The following PPP6R3 variants were observed in gnomAD, a reference collection of about 807,000 sequenced individuals.
The protein encoded by PPP6R3 is protein phosphatase 6 regulatory subunit 3, also known as serine/threonine-protein phosphatase 6 regulatory subunit 3.
In PPP6R3, 38 loss-of-function variants were observed where a neutral mutation model predicts 110.7. The ratio of observed to expected loss-of-function variants is 0.34; its 90% CI spans 0.26 to 0.45. The LOEUF is 0.45. Among genes scored for constraint, PPP6R3 ranks in the 20% least tolerant of loss-of-function variants. The pLI is 1.00. For missense variants in PPP6R3, 870 were observed against 1,062.4 expected (o/e 0.82, Z 2.52); for synonymous variants, 369 against 373.5 (o/e 0.99, Z 0.14).
chr11:68,589,777 T>G (rs1280140939), intron 16 of PPP6R3, among the ~76,000 whole-genome samples: 1 of 152,240 alleles, frequency 6.6e-6, no homozygotes, highest in Non-Finnish European at 1.5e-5. Context: ...AGCTAAAATA[T>G]TTTTACAGCA....
chr11:68,464,172 G>A (rs2098728929), intron 1 of PPP6R3, among the ~76,000 whole-genome samples: 2 of 152,110 alleles, frequency 1.3e-5, no homozygotes, highest in South Asian at 2.1e-4. Context: ...TAGCTCTGTC[G>A]CCCAGGCTGG....
In PPP6R3 at chr11:68,491,114, G is replaced by GA. The variant is rs578175853; in HGVS notation, c.-157-28385dup. Among the ~76,000 whole-genome samples the GA allele has an allele frequency of 4.3e-3, 659 of 152,168 alleles. 3 individuals are homozygous for GA. Among genetic ancestry groups the GA allele is most frequent in the African/African-American group, 0.015 (633 of 41,496 alleles). On this transcript the variant is annotated intron_variant, in intron 1 of 23. Coordinates refer to ENST00000393800, the MANE Select transcript of PPP6R3 (RefSeq NM_001164161.2). ...AGGCAGGAGGATCACTTGAGCCTAG[G>GA]AAGTTGAGGCTGCAGTGAGCCTTGT...
At chr11:68,581,400 A>T (rs2099553955) in intron 14 of PPP6R3, among the ~76,000 whole-genome samples, 2 of 152,218 alleles carry the variant, frequency 1.3e-5, no homozygotes, top group South Asian at 4.1e-4. Flanking sequence ...GTGAATGAGG[A>T]TACATCGAAT....
rs1274755985 is a variant in PPP6R3 at position 68,609,921 on chromosome 11, C to T, written c.2468C>T (p.Ser823Phe). Residue 823 changes from serine (S) to phenylalanine (F), a missense_variant, in exon 23 of 24, where the codon TCT (serine) becomes TTT (phenylalanine). Transcript: ENST00000393800. ...AVFKSEEGKL[S>F]TSQDAACKDA... ...TACTGCAGTGAGGAAGGGAAACTGTCTACCTCTCAAGATGCTGCTTGTAAA... is the reference window on the plus strand; with the variant it reads ...TACTGCAGTGAGGAAGGGAAACTGTTTACCTCTCAAGATGCTGCTTGTAAA... 4 of 1,613,990 alleles carry T rather than the reference C, an allele frequency of 2.5e-6. No homozygotes were observed. The highest frequency in any genetic ancestry group is 3.4e-6 in the Non-Finnish European group (4 of 1,180,000).
chr11:68,591,728 T>C (rs761206122), intron 18 of PPP6R3, 22 bp downstream of exon 18: 1 of 1,599,224 alleles, frequency 6.3e-7, no homozygotes, highest in Non-Finnish European at 8.5e-7. Context: ...TTGGTTATAG[T>C]TGTAATTATA....
intron 1 of PPP6R3, among the ~76,000 whole-genome samples, chr11:68,496,028 A>G (rs1208824492): frequency 6.6e-6 from 1 of 152,192 alleles, no homozygotes; most frequent in African/African-American, 2.4e-5. Flanking sequence ...TCTGTTGCCC[A>G]GGCTGGAGTG....
intron 1 of PPP6R3, among the ~76,000 whole-genome samples, chr11:68,482,409 CAAAA>C (rs145649371): frequency 4.4e-5 from 3 of 67,598 alleles, no homozygotes; most frequent in Non-Finnish European, 9.9e-5. Flanking sequence ...GTGAGACTGC[CAAAA>C]AAAAAAAAAA....
At chr11:68,477,363 A>G (rs748785158) in intron 1 of PPP6R3, among the ~76,000 whole-genome samples, 3 of 151,626 alleles carry the variant, frequency 2.0e-5, no homozygotes, top group Non-Finnish European at 4.4e-5. Flanking sequence ...GTTGAGGAGC[A>G]TCTGGACTTC....
At chr11:68,577,452 T>C (rs1057380193) in intron 14 of PPP6R3, among the ~76,000 whole-genome samples, 5 of 152,270 alleles carry the variant, frequency 3.3e-5, no homozygotes, top group African/African-American at 1.2e-4. Context: ...AGTAATCTGA[T>C]TTTGTTTGGG....
At position 68,600,333 on chromosome 11, in the gene PPP6R3, CT is replaced by C; in HGVS notation, c.2039-3del. On this transcript the variant is annotated splice_region_variant and splice_polypyrimidine_tract_variant and intron_variant, in intron 19 of 23. Transcript: ENST00000393800. ...GTTTTCCAAATAGAATTTCTCCCCT[CT>C]TTTTAGCACCCAACTGGTCAGCTAA... The C allele has an allele frequency of 6.2e-7, 1 of 1,612,848 alleles. No homozygotes were observed. The highest frequency in any genetic ancestry group is 8.5e-7 in the Non-Finnish European group (1 of 1,179,006).
intron 1 of PPP6R3, among the ~76,000 whole-genome samples, chr11:68,507,797 T>A (rs2099086597): frequency 6.6e-6 from 1 of 152,176 alleles, no homozygotes; most frequent in African/African-American, 2.4e-5. Context: ...GGAGAGTGCA[T>A]CTTTAGTTGT....
intron 16 of PPP6R3, among the ~76,000 whole-genome samples, chr11:68,589,270 G>T (rs192634642): frequency 8.6e-5 from 13 of 152,026 alleles, no homozygotes; most frequent in African/African-American, 2.9e-4. Context: ...GTTGACTGGG[G>T]CATCACGTTC....
chr11:68,556,309 G>A (rs1183144657), intron 7 of PPP6R3, among the ~76,000 whole-genome samples: 3 of 152,048 alleles, frequency 2.0e-5, no homozygotes, highest in South Asian at 2.1e-4. Flanking sequence ...CTCAGAAAGC[G>A]GACTGAAGTG....
chr11:68,615,115 T>C lies in PPP6R3; in HGVS notation c.*1998T>C. The C allele has an allele frequency of 6.5e-6, 3 of 460,152 alleles. No homozygotes were observed. The highest frequency in any genetic ancestry group is 4.6e-5 in the South Asian group (3 of 64,600). 28.5% of individuals were successfully genotyped at this position (460,152 alleles called of 1,614,324 possible). A position where few individuals can be genotyped will look rare whatever the true frequency, so the allele number is the denominator to read the frequency against. ...CTTTTCTTTGGGGCATCATTTTGTT[T>C]TGTCTTTCGTAGCAGGGAAAGGATA... On this transcript the variant is annotated 3_prime_UTR_variant, in exon 24 of 24. Transcript: ENST00000393800.
intron 1 of PPP6R3, among the ~76,000 whole-genome samples, chr11:68,469,941 A>C (rs2098778389): frequency 6.6e-6 from 1 of 152,210 alleles, no homozygotes; most frequent in Non-Finnish European, 1.5e-5. Context: ...GTATCCTTAT[A>C]TAATGTGACT....
intron 2 of PPP6R3, among the ~76,000 whole-genome samples, chr11:68,520,934 G>T (rs2099161293): frequency 6.6e-6 from 1 of 152,122 alleles, no homozygotes; most frequent in Admixed American, 6.5e-5. Flanking sequence ...ACCACGCCCG[G>T]CTAATTTTTG....
rs1205740452 is a variant in PPP6R3, at chr11:68,590,669, T to A, written c.1740T>A (p.Phe580Leu). ...TTTTGTTTTTTTACAGTGTTTCTTT[T>A]GATCGAGTATCAGACATCAACTTTA... Reference protein sequence around the residue: ...ADQDDIGNVSFDRVSDINFTL... With the variant: ...ADQDDIGNVSLDRVSDINFTL... Residue 580 changes from phenylalanine to leucine, a missense_variant, in exon 17 of 24, where the codon TTT becomes TTA. Coordinates refer to ENST00000393800, the MANE Select transcript of PPP6R3 (RefSeq NM_001164161.2). The A allele has an allele frequency of 2.1e-5, 33 of 1,590,342 alleles. No individual in the cohort carries two copies. Among genetic ancestry groups the A allele is most frequent in the Non-Finnish European group, 2.7e-5 (32 of 1,163,666 alleles).
intron 3 of PPP6R3, among the ~76,000 whole-genome samples, chr11:68,541,454 G>C (rs1337997575): frequency 6.6e-6 from 1 of 152,174 alleles, no homozygotes; most frequent in Non-Finnish European, 1.5e-5. Flanking sequence ...GTATGGAATG[G>C]GAGATAAAGT....
At chr11:68,484,050 G>A (rs967141282) in intron 1 of PPP6R3, among the ~76,000 whole-genome samples, 25 of 152,142 alleles carry the variant, frequency 1.6e-4, no homozygotes, top group East Asian at 3.8e-4. Flanking sequence ...TGGCTTGATA[G>A]CTCATTCCTT....
Sources: gnomAD v4.1 joint callset for allele counts (sites outside exome capture counted in the v4.1 genomes callset) on GRCh38, gnomAD v4.1.1 for gene constraint, MANE v1.5 for transcripts, NCBI Gene and HGNC (gene_info 2026-07-23, HGNC 2026-07-21) for gene names.